Variants in TTC29 observed in about 807,000 individuals in gnomAD.
The protein encoded by TTC29 is tetratricopeptide repeat protein 29.
A neutral mutation model predicts 58.1 loss-of-function variants in TTC29; 49 were observed. That is an observed-to-expected ratio of 0.84 (90% confidence interval 0.67 to 1.07). The LOEUF (loss-of-function observed/expected upper bound fraction) is 1.07. Among genes scored for constraint, TTC29 ranks in the 50% least tolerant of loss-of-function variants. The probability of loss-of-function intolerance (pLI) is 0.00; values close to 1 mark genes in which losing one functional copy is unlikely to be tolerated. For missense variants in TTC29, 582 were observed against 555.6 expected (o/e 1.05, Z -0.48); for synonymous variants, 209 against 196.8 (o/e 1.06, Z -0.52).
intron 8 of TTC29, among the ~76,000 whole-genome samples, chr4:146,852,324 T>A (rs1729567095): frequency 6.6e-6 from 1 of 152,212 alleles, no homozygotes; most frequent in Non-Finnish European, 1.5e-5. Flanking sequence ...GGGAAACTTG[T>A]GAAGAGGCTC....
At chr4:146,738,419 T>G (rs1744880325) in intron 11 of TTC29, among the ~76,000 whole-genome samples, 1 of 152,072 alleles carries the variant, frequency 6.6e-6, no homozygotes, top group Non-Finnish European at 1.5e-5. Context: ...CTGACAAGAT[T>G]AAAAGGAAGC....
Position 146,840,171 on chromosome 4 carries a change from T to C in TTC29, c.886-6274A>G, listed in dbSNP as rs562568481. 1.0e-4 allele frequency among the ~76,000 whole-genome samples: 15 copies of C among 150,010 alleles called. No individual in the cohort carries two copies. In the South Asian group the frequency reaches 2.1e-3, roughly 21 times the overall value. ...TTAAGTGGGTACTGGTTTTTATCTT[T>C]TTTTTTTTTTTTGGTCTACTGTACC... is the stretch of plus-strand genomic sequence containing the variant. On this transcript the variant is annotated intron_variant, in intron 8 of 12. Coordinates refer to ENST00000325106, the MANE Select transcript of TTC29 (RefSeq NM_031956.4).
chr4:146,903,823 T>C lies in TTC29; in HGVS notation c.401-94A>G, dbSNP rs555436097. On this transcript the variant is annotated intron_variant, in intron 5 of 12. Transcript: ENST00000325106. ...AAACCAATATCATGACTTCCTATTTTTCCTTAAAGATGTGATTACCAATTT... is the reference window on the plus strand; with the variant it reads ...AAACCAATATCATGACTTCCTATTTCTCCTTAAAGATGTGATTACCAATTT... 1.7e-5 allele frequency: 16 copies of C among 946,374 alleles called. No individual in the cohort carries two copies. The East Asian group carries it at 5.1e-4, about 30-fold the overall frequency. 58.6% of individuals were successfully genotyped at this position (946,374 alleles called of 1,614,324 possible).
intron 10 of TTC29, 105 bp downstream of exon 10, chr4:146,820,020 T>C: frequency 3.4e-6 from 5 of 1,459,986 alleles, no homozygotes; most frequent in South Asian, 1.2e-5. Context: ...TTCTGCATAA[T>C]ATATTGTGGG....
chr4:146,852,951 T>C (rs1480629655), intron 8 of TTC29, among the ~76,000 whole-genome samples: 1 of 152,178 alleles, frequency 6.6e-6, no homozygotes, highest in Non-Finnish European at 1.5e-5. Context: ...ATTCTTTTAT[T>C]ACTTGTTAAG....
chr4:146,719,416 G>C (rs1012316790), intron 11 of TTC29, among the ~76,000 whole-genome samples: 1 of 152,064 alleles, frequency 6.6e-6, no homozygotes, highest in Non-Finnish European at 1.5e-5. Context: ...TCAAATCCAG[G>C]TTAATTTGGA....
chr4:146,869,665 G>A (rs550999224), intron 7 of TTC29, among the ~76,000 whole-genome samples: 470 of 152,096 alleles, frequency 3.1e-3, no homozygotes, highest in Non-Finnish European at 5.3e-3. Flanking sequence ...GCAACTGGCC[G>A]GGCTGATATG....
intron 11 of TTC29, among the ~76,000 whole-genome samples, chr4:146,777,357 A>AC (rs1368275922): frequency 6.6e-6 from 1 of 151,802 alleles, no homozygotes; most frequent in Non-Finnish European, 1.5e-5. Context: ...CCAGGACTAG[A>AC]CCCCAACTGG....
At chr4:146,910,976 A>G (rs929646422) in intron 4 of TTC29, among the ~76,000 whole-genome samples, 48 of 152,114 alleles carry the variant, frequency 3.2e-4, no homozygotes, top group African/African-American at 1.1e-3. Flanking sequence ...AGTCAAATGG[A>G]GGGGCTCAGA....
intron 11 of TTC29, among the ~76,000 whole-genome samples, chr4:146,777,471 AT>A (rs922483478): frequency 3.9e-5 from 6 of 152,066 alleles, no homozygotes; most frequent in African/African-American, 1.4e-4. Context: ...AAAAATGTCT[AT>A]GTTCTAATAA....
chr4:146,716,520 A>G (rs572357081), intron 11 of TTC29, among the ~76,000 whole-genome samples: 1 of 152,288 alleles, frequency 6.6e-6, no homozygotes, highest in South Asian at 2.1e-4. Flanking sequence ...CTGTGAAACC[A>G]TTCAAAATCT....
At chr4:146,798,886 CAAAAAAAAAAAA>C (rs70958529) in intron 11 of TTC29, among the ~76,000 whole-genome samples, 5 of 18,272 alleles carry the variant, frequency 2.7e-4, no homozygotes, top group East Asian at 1.5e-3. Context: ...GACTCCGTCT[CAAAAAAAAAAAA>C]AAAAAAAAAA....
At chr4:146,775,805 C>A (rs1284089447) in intron 11 of TTC29, among the ~76,000 whole-genome samples, 1 of 152,002 alleles carries the variant, frequency 6.6e-6, no homozygotes, top group Admixed American at 6.5e-5. Context: ...GCCTCTCTGG[C>A]GAGGTTGGGA....
chr4:146,735,659 C>T (rs962428970), intron 11 of TTC29, among the ~76,000 whole-genome samples: 8 of 152,100 alleles, frequency 5.3e-5, no homozygotes, highest in South Asian at 2.1e-4. Context: ...AAGCCATGGG[C>T]GACTGGCTTT....
chr4:146,821,985 GTTTTT>G (rs34100285), intron 9 of TTC29, among the ~76,000 whole-genome samples: 40 of 109,594 alleles, frequency 3.6e-4, no homozygotes, highest in African/African-American at 9.3e-4. Flanking sequence ...CATGTCTAGT[GTTTTT>G]TTTTTTTTTT....
intron 10 of TTC29, among the ~76,000 whole-genome samples, chr4:146,816,348 C>G (rs1751405302): frequency 6.6e-6 from 1 of 152,142 alleles, no homozygotes; most frequent in Non-Finnish European, 1.5e-5. Context: ...GTTTTCACCA[C>G]TGTATCCTAA....
At chr4:146,852,246 A>G (rs1729563522) in intron 8 of TTC29, among the ~76,000 whole-genome samples, 1 of 152,248 alleles carries the variant, frequency 6.6e-6, no homozygotes, top group African/African-American at 2.4e-5. Context: ...AAGAATAACA[A>G]AATGTTATTA....
At chr4:146,879,750 A>G (rs1416033653) in intron 6 of TTC29, among the ~76,000 whole-genome samples, 2 of 152,208 alleles carry the variant, frequency 1.3e-5, no homozygotes, top group Non-Finnish European at 2.9e-5. Flanking sequence ...CTCTGGAATT[A>G]TCAAGTGTTG....
At chr4:146,891,909 A>G (rs1732391435) in intron 6 of TTC29, among the ~76,000 whole-genome samples, 1 of 152,166 alleles carries the variant, frequency 6.6e-6, no homozygotes, top group Non-Finnish European at 1.5e-5. Context: ...AGATGCTTTC[A>G]GGGTAGATTA....
Sources: gnomAD v4.1 joint callset for allele counts (sites outside exome capture counted in the v4.1 genomes callset) on GRCh38, gnomAD v4.1.1 for gene constraint, MANE v1.5 for transcripts, NCBI Gene and HGNC (gene_info 2026-07-23, HGNC 2026-07-21) for gene names.